Variants in MAP3K7 observed in about 807,000 individuals in gnomAD.
MAP3K7 encodes the protein TGF-beta activated kinase 1.
Under a neutral mutation model 84.8 loss-of-function variants are expected in MAP3K7, and 21 were observed. The observed-to-expected ratio is 0.25, with a 90% confidence interval of 0.18 to 0.36. The LOEUF (loss-of-function observed/expected upper bound fraction) is 0.36, where lower values mean the gene tolerates loss of function less well. Ranked by LOEUF, MAP3K7 falls within the 10% of genes least tolerant of loss-of-function variation. The probability of loss-of-function intolerance (pLI) is 1.00; values close to 1 mark genes in which losing one functional copy is unlikely to be tolerated. For synonymous variants in MAP3K7, 241 were observed against 247.7 expected (o/e 0.97, Z 0.25); for missense variants, 503 against 747.7 (o/e 0.67, Z 3.82).
intron 1 of MAP3K7, among the ~76,000 whole-genome samples, chr6:90,580,002 A>G (rs1777216180): frequency 6.6e-6 from 1 of 152,260 alleles, no homozygotes; most frequent in African/African-American, 2.4e-5. Context: ...ACATGTGTAT[A>G]GATTTTTAAA....
rs1355612914 is a variant in MAP3K7 at position 90,552,063 on chromosome 6, T to A, written c.853A>T (p.Thr285Ser). 2 of 1,609,844 alleles carry A rather than the reference T, an allele frequency of 1.2e-6. No individual in the cohort carries two copies. The highest frequency in any genetic ancestry group is 1.7e-6 in the Non-Finnish European group (2 of 1,176,950). Reference protein sequence around the residue: ...PSMEEIVKIMTHLMRYFPGAD... With the variant: ...PSMEEIVKIMSHLMRYFPGAD... ...AAGGATTATACCCGCATCAAGTGAGTCATTATTTTCACAATTTCCTCCATT... is the reference window on the plus strand; with the variant it reads ...AAGGATTATACCCGCATCAAGTGAGACATTATTTTCACAATTTCCTCCATT... Residue 285 changes from threonine (T) to serine (S), a missense_variant, in exon 8 of 17, where the codon ACT becomes TCT. Physicochemically the swap from Thr to Ser is moderately conservative, Grantham distance 58. Around this residue, in one of 5 missense-constraint regions of MAP3K7, gnomAD observed 286 missense variants for 313.6 expected, o/e 0.91. Transcript: ENST00000369329.
intron 12 of MAP3K7, among the ~76,000 whole-genome samples, chr6:90,541,308 A>G (rs1027505531): frequency 6.6e-6 from 1 of 152,022 alleles, no homozygotes; most frequent in Non-Finnish European, 1.5e-5. Flanking sequence ...AAGCAAATGC[A>G]TTAGAAAACT....
intron 6 of MAP3K7, 101 bp from the exon 7 acceptor site, chr6:90,553,687 T>G: frequency 1.1e-6 from 1 of 952,074 alleles, no homozygotes; most frequent in Non-Finnish European, 1.6e-6. Flanking sequence ...GGGATAAAAA[T>G]GAGGCTGTCA....
At chr6:90,550,071 T>G (rs1026385990) in intron 9 of MAP3K7, among the ~76,000 whole-genome samples, 1 of 152,126 alleles carries the variant, frequency 6.6e-6, no homozygotes. Context: ...GCTTCTTAAA[T>G]CAGAGCCTCT....
chr6:90,532,134 T>TTA (rs1775528067), intron 13 of MAP3K7, among the ~76,000 whole-genome samples: 1 of 152,124 alleles, frequency 6.6e-6, no homozygotes, highest in African/African-American at 2.4e-5. Flanking sequence ...ATCACATCCC[T>TTA]TAAATAAATA....
At chr6:90,582,570 G>A (rs928008210) in intron 1 of MAP3K7, among the ~76,000 whole-genome samples, 4 of 152,188 alleles carry the variant, frequency 2.6e-5, no homozygotes, top group South Asian at 2.1e-4. Flanking sequence ...CTTGACTGGT[G>A]AGGAGTCAGT....
rs1774929856 is a variant in MAP3K7 at position 90,515,527 on chromosome 6, C to G, written c.*974G>C. 1 of 149,066 alleles carries G rather than the reference C, an allele frequency of 6.7e-6. No individual in the cohort carries two copies. Among genetic ancestry groups the G allele is most frequent in the African/African-American group, 2.5e-5 (1 of 40,312 alleles). The allele number at this position is 149,066 out of a possible 1,614,324, so 9.2% of individuals were successfully genotyped here. ...CTTCTTTAACTTCCTTCTGATTTGC[C>G]TGGTTTATTTCTCATTTGGTATCAT... On this transcript the variant is annotated 3_prime_UTR_variant, in exon 17 of 17. Coordinates refer to ENST00000369329, the MANE Select transcript of MAP3K7 (RefSeq NM_145331.3).
chr6:90,515,718 C>A lies in MAP3K7; in HGVS notation c.*783G>T, dbSNP rs533401651. On this transcript the variant is annotated 3_prime_UTR_variant, in exon 17 of 17. Transcript: ENST00000369329. ...ATCATGTTCTTTTGCCTTTTAATTT[C>A]ATTTAAGAGATTAATATTAGAGTCA... The A allele has an allele frequency of 2.6e-5, 4 of 151,006 alleles. No individual in the cohort carries two copies. The South Asian group carries it at 8.4e-4, about 32-fold the overall frequency. The allele number at this position is 151,006 out of a possible 1,614,324, so 9.4% of individuals were successfully genotyped here.
At chr6:90,568,260 G>A (rs997015564) in intron 3 of MAP3K7, among the ~76,000 whole-genome samples, 2 of 151,844 alleles carry the variant, frequency 1.3e-5, no homozygotes, top group African/African-American at 4.8e-5. Context: ...AATACATAAA[G>A]AGAAAGAAAA....
At chr6:90,574,212 C>T (rs749549796) in intron 1 of MAP3K7, among the ~76,000 whole-genome samples, 3 of 152,166 alleles carry the variant, frequency 2.0e-5, no homozygotes, top group Admixed American at 6.5e-5. Context: ...CTACAAAGAA[C>T]AGTAAGTGCT....
intron 14 of MAP3K7, 85 bp from the exon 15 acceptor site, chr6:90,519,404 T>G: frequency 1.2e-6 from 1 of 842,946 alleles, no homozygotes; most frequent in East Asian, 2.8e-5. Flanking sequence ...AAATGCTTTT[T>G]TTCCCTAAAG....
intron 12 of MAP3K7, among the ~76,000 whole-genome samples, chr6:90,542,975 C>T (rs558627066): frequency 3.9e-5 from 6 of 152,052 alleles, no homozygotes; most frequent in Non-Finnish European, 8.8e-5. Context: ...TCTTGTATAG[C>T]GTGGGCTACG....
chr6:90,524,507 A>G (rs1554181683), intron 13 of MAP3K7, among the ~76,000 whole-genome samples: 2 of 152,214 alleles, frequency 1.3e-5, no homozygotes, highest in Non-Finnish European at 2.9e-5. Context: ...AAGAAAGCAG[A>G]ACAATATCTT....
rs544483308 is a variant in MAP3K7 at position 90,568,055 on chromosome 6, T to A, written c.297+503A>T. On this transcript the variant is annotated intron_variant, in intron 3 of 16. Transcript: ENST00000369329. ...AGGAAGGGGAACATCACACACTGGG[T>A]CCTGTTGTGGGGTGGGGAGAGGTGG... is the stretch of plus-strand genomic sequence containing the variant. 3.4e-5 allele frequency among the ~76,000 whole-genome samples: 5 copies of A among 146,586 alleles called. No homozygotes were observed. In the East Asian group the frequency reaches 9.9e-4, roughly 29 times the overall value.
intron 6 of MAP3K7, among the ~76,000 whole-genome samples, chr6:90,556,037 A>G (rs577847372): frequency 1.3e-5 from 2 of 152,348 alleles, no homozygotes; most frequent in South Asian, 2.1e-4. Context: ...GAACAGCACA[A>G]AAAAGGACAC....
At chr6:90,556,462 G>C in intron 6 of MAP3K7, 38 bp downstream of exon 6, 1 of 1,599,244 alleles carries the variant, frequency 6.3e-7, no homozygotes, top group Non-Finnish European at 8.5e-7. Flanking sequence ...CAAGGAGTGA[G>C]GGAGATTATC....
intron 8 of MAP3K7, 49 bp downstream of exon 8, chr6:90,552,000 A>G (rs773750614): frequency 5.1e-6 from 8 of 1,561,144 alleles, no homozygotes; most frequent in Non-Finnish European, 7.0e-6. Flanking sequence ...AAAACTCAGC[A>G]CATATTAAAT....
At chr6:90,560,918 A>T (rs1392672493) in intron 4 of MAP3K7, among the ~76,000 whole-genome samples, 13 of 152,168 alleles carry the variant, frequency 8.5e-5, no homozygotes, top group Non-Finnish European at 1.8e-4. Context: ...GTATATCAAG[A>T]TGTTTGCACC....
At position 90,560,189 on chromosome 6, in the gene MAP3K7, T is replaced by C. The variant is rs1371828092; in HGVS notation, c.369A>G (p.Pro123=). The C allele has an allele frequency of 4.3e-6, 7 of 1,614,220 alleles. No individual in the cohort carries two copies. In the South Asian group the frequency reaches 4.4e-5, roughly 10 times the overall value. The change falls in exon 5 of 17, where the codon CCA becomes CCG. Residue 123 remains proline, a synonymous_variant. Coordinates refer to ENST00000369329, the MANE Select transcript of MAP3K7 (RefSeq NM_145331.3). ...TCATTGCGTGGGCAGCAGTATAATA[T>C]GGCAATGGTTCAGCACCATGCAGCA... ...YNVLHGAEPL[P]YYTAAHAMSW...
Sources: gnomAD v4.1 joint callset for allele counts (sites outside exome capture counted in the v4.1 genomes callset) on GRCh38, gnomAD v4.1.1 for gene constraint, gnomAD v4.1.1 regional missense constraint, MANE v1.5 for transcripts, NCBI Gene and HGNC (gene_info 2026-07-23, HGNC 2026-07-21) for gene names.